DIAPH2: variants seen among roughly 807,000 people sequenced by gnomAD.
DIAPH2 encodes diaphanous related formin 2.
DIAPH2 carries 35 observed loss-of-function variants against 92.7 expected under a neutral mutation model. The observed-to-expected ratio is 0.38, with a 90% confidence interval of 0.29 to 0.50. The LOEUF (loss-of-function observed/expected upper bound fraction) is 0.50. Among genes scored for constraint, DIAPH2 ranks in the 20% least tolerant of loss-of-function variants. The pLI, the probability that DIAPH2 is intolerant of heterozygous loss-of-function variation, is 0.94. For synonymous variants in DIAPH2, 301 were observed against 280.4 expected, an observed-to-expected ratio of 1.07 and a Z score of -0.73; for missense variants, 701 against 819.5, an observed-to-expected ratio of 0.86 and a Z score of 1.77.
chrX:96,701,518 C>T (rs1017524969), intron 1 of DIAPH2: 2 of 109,043 alleles, frequency 1.8e-5, no homozygotes, highest in East Asian at 2.9e-4. Context: ...TAAGACTAGT[C>T]GAGTGCAGTA....
At chrX:97,534,989 A>G (rs1238308799) in intron 26 of DIAPH2, among the ~76,000 whole-genome samples, 1 of 111,587 alleles carries the variant, frequency 9.0e-6, no homozygotes, top group Non-Finnish European at 1.9e-5. Context: ...ATTCTACAAA[A>G]TACTTGACCA....
chrX:97,495,729 T>A (rs965066438), intron 26 of DIAPH2, among the ~76,000 whole-genome samples: 10 of 111,945 alleles, frequency 8.9e-5, no homozygotes, highest in African/African-American at 3.2e-4. Context: ...TTTTGAAAAC[T>A]TGTTTTCAAA....
At chrX:97,517,013 T>C (rs1212221585) in intron 26 of DIAPH2, among the ~76,000 whole-genome samples, 5 of 112,693 alleles carry the variant, frequency 4.4e-5, no homozygotes, top group Non-Finnish European at 9.4e-5. Context: ...ATGATATTTT[T>C]ATATGCATAT....
At chrX:96,819,428 C>T (rs2064763058) in intron 4 of DIAPH2, among the ~76,000 whole-genome samples, 1 of 112,009 alleles carries the variant, frequency 8.9e-6, no homozygotes, top group Admixed American at 9.4e-5. Context: ...ACTTCAAATT[C>T]CATAAGAGCA....
At chrX:96,924,520 C>A (rs2065567095) in intron 9 of DIAPH2, among the ~76,000 whole-genome samples, 1 of 111,456 alleles carries the variant, frequency 9.0e-6, no homozygotes, top group Admixed American at 9.6e-5. Flanking sequence ...GCTTCCTCAG[C>A]ACTATTTGGC....
chrX:97,095,088 G>GTTTCTT lies in DIAPH2; in HGVS notation c.2248-4596_2248-4591dup, dbSNP rs1300350479. ...TTAGCCAAGGGACTTTTAGGGAAAT[G>GTTTCTT]TTTCTTTTTCTTTTTTTTTTTTTTT... On this transcript the variant is annotated intron_variant, in intron 19 of 26. Coordinates refer to ENST00000324765, the MANE Select transcript of DIAPH2 (RefSeq NM_006729.5). Among the ~76,000 whole-genome samples the GTTTCTT allele has an allele frequency of 4.6e-4, 16 of 35,124 alleles. 2 individuals are homozygous for GTTTCTT. The highest frequency in any genetic ancestry group is 1.1e-3 in the African/African-American group (12 of 10,546). The allele number at this position is 35,124 out of a possible 115,157, so 30.5% of individuals were successfully genotyped here. A position where few individuals can be genotyped will look rare whatever the true frequency, so the allele number is the denominator to read the frequency against.
chrX:96,739,814 T>A (rs2064108625), intron 3 of DIAPH2, among the ~76,000 whole-genome samples: 1 of 111,832 alleles, frequency 8.9e-6, no homozygotes, highest in Non-Finnish European at 1.9e-5. Flanking sequence ...TGGTGCACCC[T>A]TTTTCCTGCT....
intron 26 of DIAPH2, among the ~76,000 whole-genome samples, chrX:97,526,872 C>T (rs1163730133): frequency 1.8e-5 from 2 of 111,588 alleles, no homozygotes; most frequent in African/African-American, 6.5e-5. Flanking sequence ...ACTTTTCCAT[C>T]TATCTCATTT....
chrX:96,936,589 T>A (rs1327067760), intron 10 of DIAPH2, among the ~76,000 whole-genome samples: 1 of 111,911 alleles, frequency 8.9e-6, no homozygotes, highest in Non-Finnish European at 1.9e-5. Context: ...AGGTTTGTAA[T>A]GCATGTGCTT....
At chrX:96,713,005 T>A (rs1019029954) in intron 1 of DIAPH2, among the ~76,000 whole-genome samples, 3 of 111,108 alleles carry the variant, frequency 2.7e-5, no homozygotes, top group Non-Finnish European at 5.7e-5. Context: ...ATGATTTGTC[T>A]TGGAATTGGT....
chrX:96,781,434 A>T (rs1198578591), intron 4 of DIAPH2, among the ~76,000 whole-genome samples: 2 of 111,628 alleles, frequency 1.8e-5, no homozygotes, highest in African/African-American at 6.5e-5. Context: ...TCCAACACAG[A>T]CATTTCCCTT....
At position 97,199,343 on chromosome X, in the gene DIAPH2, G is replaced by A. The variant is rs947120944; in HGVS notation, c.2720-48372G>A. 3.6e-5 allele frequency among the ~76,000 whole-genome samples: 4 copies of A among 110,588 alleles called. No homozygotes were observed. The East Asian group carries it at 8.5e-4, about 24-fold the overall frequency. On this transcript the variant is annotated intron_variant, in intron 22 of 26. Coordinates refer to ENST00000324765, the MANE Select transcript of DIAPH2 (RefSeq NM_006729.5). ...CTTAAATTGCTTTTATTCCATATAT[G>A]TGTATGGAATATGTGTATACATGCA... is the stretch of plus-strand genomic sequence containing the variant.
chrX:97,103,664 G>A (rs2066920288), intron 20 of DIAPH2, among the ~76,000 whole-genome samples: 1 of 111,401 alleles, frequency 9.0e-6, no homozygotes, highest in Non-Finnish European at 1.9e-5. Context: ...CTCCAAATCC[G>A]TCTCGGCACA....
chrX:97,559,719 A>T lies in DIAPH2; in HGVS notation c.3242-39534A>T, dbSNP rs1364597190. ...TGATCAAAAACAAAGTAAAGATTTA[A>T]CCAAAAAAATACAGACAATATAAAA... On this transcript the variant is annotated intron_variant, in intron 26 of 26. Coordinates refer to ENST00000324765, the MANE Select transcript of DIAPH2 (RefSeq NM_006729.5). Among the ~76,000 whole-genome samples the T allele has an allele frequency of 7.1e-5, 8 of 111,987 alleles. No homozygotes were observed. The Admixed American group carries it at 7.6e-4, about 11-fold the overall frequency.
At chrX:96,786,927 T>G (rs1223442569) in intron 4 of DIAPH2, among the ~76,000 whole-genome samples, 2 of 112,191 alleles carry the variant, frequency 1.8e-5, no homozygotes, top group African/African-American at 3.2e-5. Flanking sequence ...AACTTTATAT[T>G]ATGTACCGTG....
intron 9 of DIAPH2, among the ~76,000 whole-genome samples, chrX:96,922,837 A>G (rs747772158): frequency 1.4e-3 from 157 of 111,948 alleles, no homozygotes; most frequent in African/African-American, 4.8e-3. Flanking sequence ...TGTGTCTTGC[A>G]TAAGTCTGGG....
chrX:96,848,909 T>C (rs935716523), intron 4 of DIAPH2, among the ~76,000 whole-genome samples: 6 of 111,875 alleles, frequency 5.4e-5, no homozygotes, highest in Non-Finnish European at 7.5e-5. Context: ...AGAGTGGCGA[T>C]GGTTTTTTCC....
Position 97,249,215 on chromosome X carries a change from A to G in DIAPH2, c.2844+1376A>G, listed in dbSNP as rs1400648651. Among the ~76,000 whole-genome samples the G allele has an allele frequency of 2.7e-5, 3 of 111,578 alleles. 1 individual carries two copies. Among genetic ancestry groups the G allele is most frequent in the African/African-American group, 9.8e-5 (3 of 30,726 alleles). On this transcript the variant is annotated intron_variant, in intron 23 of 26. Transcript: ENST00000324765. ...ACATTTTCTTCTACTGTTGGCTTAT[A>G]GCCACACAACAGCTTGCAACATTGA...
intron 26 of DIAPH2, among the ~76,000 whole-genome samples, chrX:97,435,663 A>G (rs976501036): frequency 1.8e-5 from 2 of 111,796 alleles, no homozygotes; most frequent in Non-Finnish European, 3.8e-5. Context: ...ACATAAGATA[A>G]TAAGTTGCAT....
Sources: allele counts gnomAD v4.1 joint callset (sites outside exome capture counted in the v4.1 genomes callset), GRCh38; gene constraint gnomAD v4.1.1; transcripts MANE v1.5; gene names NCBI Gene and HGNC (gene_info 2026-07-23, HGNC 2026-07-21).